Variants in TFIP11 observed in about 807,000 individuals in gnomAD.
TFIP11 encodes tuftelin interacting protein 11.
Under a neutral mutation model 96.8 loss-of-function variants are expected in TFIP11, and 86 were observed. The observed-to-expected ratio is 0.89, with a 90% CI of 0.75 to 1.06. The LOEUF (loss-of-function observed/expected upper bound fraction) is 1.06. TFIP11 is among the 50% of genes least tolerant of loss of function. The pLI, the probability that TFIP11 is intolerant of heterozygous loss-of-function variation, is 0.00. For missense variants in TFIP11, 881 were observed against 1,076.7 expected (o/e 0.82, Z 2.54); for synonymous variants, 405 against 395.2 (o/e 1.02, Z -0.29).
chr22:26,506,853 C>T lies in TFIP11; in HGVS notation c.285G>A (p.Leu95=), dbSNP rs1319230943. 6 of 1,614,070 alleles carry T rather than the reference C, an allele frequency of 3.7e-6. No individual in the cohort carries two copies. Among genetic ancestry groups the T allele is most frequent in the Non-Finnish European group, 5.1e-6 (6 of 1,180,040 alleles). ...LKKGAAEEAE[L]EDSDDEEKPV... ...GTTTCTCTTCGTCATCAGAATCTTCCAACTCTGCCTCCTCCGCTGCCCCTT... is the reference window on the plus strand; with the variant it reads ...GTTTCTCTTCGTCATCAGAATCTTCTAACTCTGCCTCCTCCGCTGCCCCTT... Residue 95 remains leucine, a synonymous_variant, in exon 5 of 15, where the codon TTG becomes TTA. Transcript: ENST00000407690.
Position 26,494,335 on chromosome 22 carries a change from C to T in TFIP11, c.1993-31G>A, listed in dbSNP as rs540030929. The T allele has an allele frequency of 2.5e-5, 41 of 1,613,976 alleles. No individual in the cohort carries two copies. The South Asian group carries it at 3.8e-4, about 15-fold the overall frequency. ...AAAAAGAAAAATTACTTGCATCCAT[C>T]GTGGCAACAAATGAAGGCAAGATTT... On this transcript the variant is annotated intron_variant, in intron 13 of 14. Transcript: ENST00000407690.
rs751442302 is a variant in TFIP11 at position 26,499,635 on chromosome 22, G to C, written c.802-4C>G. 2 of 1,602,758 alleles carry C rather than the reference G, an allele frequency of 1.2e-6. No individual in the cohort carries two copies. Among genetic ancestry groups the C allele is most frequent in the Non-Finnish European group, 1.7e-6 (2 of 1,174,226 alleles). On this transcript the variant is annotated splice_region_variant and splice_polypyrimidine_tract_variant and intron_variant, in intron 8 of 14. Transcript: ENST00000407690. ...CCCGGCCTGTCATGTCTATGACCTT[G>C]GAAAACATAGAGGGATGAAGGTTAA...
At chr22:26,499,706 C>T in intron 8 of TFIP11, 75 bp from the exon 9 acceptor site, 1 of 1,457,062 alleles carries the variant, frequency 6.9e-7, no homozygotes, top group Non-Finnish European at 9.3e-7. Context: ...CAGGGGAAGG[C>T]CCCATGACAG....
intron 14 of TFIP11, chr22:26,493,766 G>A (rs2147118608): frequency 9.1e-6 from 2 of 219,590 alleles, no homozygotes; most frequent in South Asian, 1.4e-4. Context: ...CCAAGTGTCA[G>A]ACCGCGTGCC....
Position 26,499,494 on chromosome 22 carries a change from G to A in TFIP11, c.939C>T (p.Pro313=), listed in dbSNP as rs555491538. 1.1e-5 allele frequency: 17 copies of A among 1,614,054 alleles called. No homozygotes were observed. The highest frequency in any genetic ancestry group is 4.0e-5 in the African/African-American group (3 of 75,064). ...LPQSGKEAKA[P]GFALPELEHN... is the part of the protein sequence containing the mutation. The stretch of plus-strand genomic sequence containing the variant: ...GCTCCAGCTCGGGCAGCGCGAAGCC[G>A]GGGGCCTTGGCCTCTTTGCCAGACT... The change falls in exon 9 of 15, where the codon CCC becomes CCT. Residue 313 remains proline (P), a synonymous_variant. Transcript: ENST00000407690.
chr22:26,495,652 G>A (rs1421572583), intron 12 of TFIP11, among the ~76,000 whole-genome samples: 1 of 59,832 alleles, frequency 1.7e-5, no homozygotes, highest in African/African-American at 5.3e-5. Flanking sequence ...ATATATACAT[G>A]TATATGCATG....
chr22:26,492,618 C>T (rs1921354707), intron 14 of TFIP11: 1 of 487,824 alleles, frequency 2.0e-6, no homozygotes. Context: ...AATGAAGTAT[C>T]TGCAAGGGAT....
At chr22:26,493,344 G>A (rs573058460) in intron 14 of TFIP11, 2 of 152,272 alleles carry the variant, frequency 1.3e-5, no homozygotes, top group African/African-American at 4.8e-5. Flanking sequence ...TAAATAACAA[G>A]AATTAAAGAC....
chr22:26,501,555 A>G (rs1341333518), intron 8 of TFIP11, among the ~76,000 whole-genome samples: 1 of 151,806 alleles, frequency 6.6e-6, no homozygotes, highest in Non-Finnish European at 1.5e-5. Context: ...AACACTTTGC[A>G]CTGAGTTTTT....
Position 26,495,055 on chromosome 22 carries a change from G to A in TFIP11, c.1850-116C>T, listed in dbSNP as rs763627583. ...CAGCTTACAGCAACCTCCGCCTCCC[G>A]GGTTCAAGTGACTCTTGTGCCTCAG... On this transcript the variant is annotated intron_variant, in intron 12 of 14. Transcript: ENST00000407690. 155 of 1,370,922 alleles carry A rather than the reference G, an allele frequency of 1.1e-4. 1 individual carries two copies. The highest frequency in any genetic ancestry group is 1.3e-4 in the Non-Finnish European group (130 of 1,005,954). The allele number at this position is 1,370,922 out of a possible 1,614,324, so 84.9% of individuals were successfully genotyped here.
chr22:26,502,122 A>C, intron 7 of TFIP11, 70 bp from the exon 8 acceptor site: 1 of 1,588,494 alleles, frequency 6.3e-7, no homozygotes, highest in Non-Finnish European at 8.6e-7. Context: ...GGTAGCTGAG[A>C]CCATTAGCAG....
At chr22:26,497,874 CA>C (rs35461044) in intron 10 of TFIP11, among the ~76,000 whole-genome samples, 4,978 of 89,034 alleles carry the variant, frequency 0.056, 94 homozygotes, top group African/African-American at 0.072. Context: ...GACTTCATCT[CA>C]AAAAAAAAAA....
Position 26,496,290 on chromosome 22 carries a change from G to A in TFIP11, c.1632C>T (p.Asp544=). 1 of 1,602,940 alleles carries A rather than the reference G, an allele frequency of 6.2e-7. No individual in the cohort carries two copies. Among genetic ancestry groups the A allele is most frequent in the Admixed American group, 1.7e-5 (1 of 59,516 alleles). Residue 544 remains aspartate (D), a synonymous_variant, in exon 12 of 15, where the codon GAC becomes GAT. Transcript: ENST00000407690. The part of the protein sequence containing the change: ...KEVENWNPLT[D]TVPIHSWIHP... Reference sequence around the variant, plus strand: ...GGATCCAAGAGTGGATGGGAACAGTGTCTGTGAGCGGGTTCCAGTTTTCCA... The same window carrying A: ...GGATCCAAGAGTGGATGGGAACAGTATCTGTGAGCGGGTTCCAGTTTTCCA...
chr22:26,510,165 G>T lies in TFIP11; in HGVS notation c.108C>A (p.Asn36Lys), dbSNP rs1454546740. 1 of 1,614,148 alleles carries T rather than the reference G, an allele frequency of 6.2e-7. No individual in the cohort carries two copies. Among genetic ancestry groups the T allele is most frequent in the Non-Finnish European group, 8.5e-7 (1 of 1,180,042 alleles). ...TCTGCCAGTGGCGCTGTCGGTTGGG[G>T]TTGAACTCATTCTGGAGATCCCAGT... Reference protein sequence around the residue: ...ITDWDLQNEFNPNRQRHWQTK... With the variant: ...ITDWDLQNEFKPNRQRHWQTK... The change falls in exon 4 of 15, where the codon AAC becomes AAA. Residue 36 changes from asparagine to lysine, a missense_variant. By Grantham distance (94) the Asn-to-Lys change is moderately conservative. Transcript: ENST00000407690.
chr22:26,498,763 G>T, intron 10 of TFIP11, 106 bp downstream of exon 10: 1 of 820,720 alleles, frequency 1.2e-6, no homozygotes, highest in South Asian at 1.5e-5. Context: ...AGCATGAGCA[G>T]AGAATTAATC....
At chr22:26,492,432 T>C in intron 14 of TFIP11, 64 bp from the exon 15 acceptor site, 1 of 1,502,376 alleles carries the variant, frequency 6.7e-7, no homozygotes, top group Admixed American at 1.7e-5. Flanking sequence ...GTTGACACTG[T>C]GGCTTGGCCC....
In TFIP11 at chr22:26,494,910, G is replaced by A. The variant is rs772266873; in HGVS notation, c.1879C>T (p.Pro627Ser). Residue 627 changes from proline (P) to serine (S), a missense_variant, in exon 13 of 15, where the codon CCC becomes TCC. Coordinates refer to ENST00000407690, the MANE Select transcript of TFIP11 (RefSeq NM_012143.4). ...GMCLGELVINPHQQHMDAFYW... is the reference protein window; with the variant it reads ...GMCLGELVINSHQQHMDAFYW... ...AATGCATCCATGTGCTGCTGGTGGG[G>A]GTTAATGACTAGCTCACCAAGACAC... 3 of 1,614,182 alleles carry A rather than the reference G, an allele frequency of 1.9e-6. No individual in the cohort carries two copies. The highest frequency in any genetic ancestry group is 3.3e-5 in the Admixed American group (2 of 60,026).
chr22:26,495,028 C>G, intron 12 of TFIP11, 89 bp from the exon 13 acceptor site: 1 of 1,562,742 alleles, frequency 6.4e-7, no homozygotes, highest in African/African-American at 1.4e-5. Context: ...CCGTTTTCAT[C>G]TCAGCTTACA....
At chr22:26,507,028 G>T in intron 4 of TFIP11, 100 bp from the exon 5 acceptor site, 1 of 1,354,808 alleles carries the variant, frequency 7.4e-7, no homozygotes, top group Non-Finnish European at 1.0e-6. Context: ...TCCTTAGAGT[G>T]AATCTCATGG....
Sources: allele counts gnomAD v4.1 joint callset (sites outside exome capture counted in the v4.1 genomes callset), GRCh38; gene constraint gnomAD v4.1.1; transcripts MANE v1.5; gene names NCBI Gene and HGNC (gene_info 2026-07-23, HGNC 2026-07-21).